Variants in SAMD12 observed in about 807,000 individuals in gnomAD.
SAMD12 encodes the protein sterile alpha motif domain containing 12, also known as sterile alpha motif domain-containing protein 12.
In SAMD12, 9 loss-of-function variants were observed where a neutral mutation model predicts 15.0. The observed-to-expected ratio is 0.60, with a 90% confidence interval of 0.36 to 1.05. SAMD12 has a LOEUF of 1.05. Ranked by LOEUF, SAMD12 falls within the 50% of genes least tolerant of loss-of-function variation. The pLI is 0.01. For missense variants in SAMD12, 230 were observed against 234.2 expected (o/e 0.98, Z 0.12); for synonymous variants, 86 against 90.1 (o/e 0.96, Z 0.25).
chr8:118,444,161 C>T (rs902853567), intron 2 of SAMD12, among the ~76,000 whole-genome samples: 3 of 152,120 alleles, frequency 2.0e-5, no homozygotes, highest in African/African-American at 4.8e-5. Context: ...AAGCATTTCA[C>T]CTTTACTAGA....
chr8:118,177,239 ATTTT>A, the SAMD12 span, among the ~76,000 whole-genome samples: 12 of 137,074 alleles, frequency 8.8e-5, no homozygotes, highest in African/African-American at 2.1e-4. Context: ...GCCACAGAGA[ATTTT>A]TTTTTTTTTT....
intron 2 of SAMD12, among the ~76,000 whole-genome samples, chr8:118,544,500 A>G (rs1826069669): frequency 6.6e-6 from 1 of 152,156 alleles, no homozygotes; most frequent in Non-Finnish European, 1.5e-5. Flanking sequence ...TTCCAAGCAC[A>G]AGATGTTTAG....
At chr8:118,394,370 A>G (rs909239592) in intron 3 of SAMD12, among the ~76,000 whole-genome samples, 4 of 152,204 alleles carry the variant, frequency 2.6e-5, no homozygotes, top group Admixed American at 6.5e-5. Context: ...CTTGGAACCT[A>G]CAGGCAAAAT....
At position 118,439,915 on chromosome 8, in the gene SAMD12, T is replaced by C; in HGVS notation, c.239A>G (p.Gln80Arg). 6.2e-7 allele frequency: 1 copy of C among 1,613,762 alleles called. No individual in the cohort carries two copies. ...TTTCTTCAACCACTTGCAGACATCCTGCTGGGTCCATAGAGCCACCGGTTT... is the reference window on the plus strand; with the variant it reads ...TTTCTTCAACCACTTGCAGACATCCCGCTGGGTCCATAGAGCCACCGGTTT... The part of the protein sequence containing the change: ...LSKPVALWTQ[Q>R]DVCKWLKKHC... Residue 80 changes from glutamine (Q) to arginine (R), a missense_variant, in exon 3 of 4, where the codon CAG becomes CGG. Coordinates refer to ENST00000314727, the MANE Select transcript of SAMD12 (RefSeq NM_207506.3).
chr8:118,473,243 C>A (rs1823856589), intron 2 of SAMD12, among the ~76,000 whole-genome samples: 2 of 152,210 alleles, frequency 1.3e-5, no homozygotes, highest in African/African-American at 2.4e-5. Context: ...CTACAGCTAC[C>A]TCCTGGGTCT....
chr8:118,393,224 T>TCTTTC (rs1264968535), intron 3 of SAMD12, among the ~76,000 whole-genome samples: 1 of 74,472 alleles, frequency 1.3e-5, no homozygotes, highest in African/African-American at 8.3e-5. Flanking sequence ...ATTTCTTTTC[T>TCTTTC]CTTTTCGAGA....
intron 1 of SAMD12, among the ~76,000 whole-genome samples, chr8:118,617,456 T>C (rs774468541): frequency 6.6e-6 from 1 of 152,220 alleles, no homozygotes; most frequent in Non-Finnish European, 1.5e-5. Flanking sequence ...GCTACCATGT[T>C]CATTTATGAT....
At chr8:118,390,029 T>G (rs1335434355) in intron 3 of SAMD12, among the ~76,000 whole-genome samples, 1 of 151,934 alleles carries the variant, frequency 6.6e-6, no homozygotes, top group East Asian at 1.9e-4. Context: ...TTTTTTGAGA[T>G]GGAGTCTTGC....
intron 3 of SAMD12, among the ~76,000 whole-genome samples, chr8:118,394,294 T>C (rs1379545475): frequency 2.0e-5 from 3 of 152,210 alleles, no homozygotes; most frequent in Admixed American, 6.5e-5. Flanking sequence ...TTTCCTCCCT[T>C]CTTGTCTGAT....
the SAMD12 span, among the ~76,000 whole-genome samples, chr8:118,177,729 CAT>C: frequency 9.6e-6 from 1 of 104,646 alleles, no homozygotes; most frequent in African/African-American, 2.7e-5. Flanking sequence ...TTTTTAAAAA[CAT>C]AAAATAAAAA....
At chr8:118,325,854 G>A (rs1033127139) in intron 4 of SAMD12, among the ~76,000 whole-genome samples, 1 of 152,108 alleles carries the variant, frequency 6.6e-6, no homozygotes, top group Non-Finnish European at 1.5e-5. Flanking sequence ...ACTCTCTAGG[G>A]AGATGAATGG....
At chr8:118,486,613 C>T (rs1824294130) in intron 2 of SAMD12, among the ~76,000 whole-genome samples, 3 of 152,090 alleles carry the variant, frequency 2.0e-5, no homozygotes, top group Admixed American at 1.3e-4. Flanking sequence ...CCTGCTTATA[C>T]CTTGATTTTA....
downstream of SAMD12, among the ~76,000 whole-genome samples, chr8:118,373,530 CA>C (rs1202057368): frequency 2.0e-5 from 3 of 152,028 alleles, no homozygotes; most frequent in African/African-American, 7.2e-5. Context: ...TTTGTTGTTC[CA>C]AAAGACAGAG....
intron 4 of SAMD12, among the ~76,000 whole-genome samples, chr8:118,309,478 A>G (rs1481813429): frequency 6.6e-6 from 1 of 151,350 alleles, no homozygotes; most frequent in Non-Finnish European, 1.5e-5. Flanking sequence ...ATATTTTTGC[A>G]ATTGTGAATT....
chr8:118,143,770 C>G, the SAMD12 span, among the ~76,000 whole-genome samples: 1 of 152,132 alleles, frequency 6.6e-6, no homozygotes, highest in Non-Finnish European at 1.5e-5. Flanking sequence ...AGACAATATC[C>G]TAACATGCCA....
chr8:118,436,130 C>T (rs1414903307), intron 3 of SAMD12, among the ~76,000 whole-genome samples: 1 of 119,322 alleles, frequency 8.4e-6, no homozygotes, highest in Admixed American at 9.7e-5. Flanking sequence ...CATAGTTTTC[C>T]ATGCAAGCAC....
the SAMD12 span, among the ~76,000 whole-genome samples, chr8:118,164,558 A>T: frequency 2.0e-5 from 3 of 151,754 alleles, no homozygotes; most frequent in Non-Finnish European, 4.4e-5. Context: ...TTATTTTTTT[A>T]TTTTTATTTT....
At chr8:118,165,764 G>C in the SAMD12 span, among the ~76,000 whole-genome samples, 1 of 151,260 alleles carries the variant, frequency 6.6e-6, no homozygotes, top group African/African-American at 2.4e-5. Flanking sequence ...CTTTAGACCA[G>C]TGGTTCACAA....
rs10535786 is a variant in SAMD12 at position 118,399,201 on chromosome 8, C to CT, written c.323-19502dup. Among the ~76,000 whole-genome samples the CT allele has an allele frequency of 6.8e-3, 1,009 of 147,468 alleles. 18 individuals are homozygous for CT. Among genetic ancestry groups the CT allele is most frequent in the African/African-American group, 0.021 (826 of 40,094 alleles). ...ACCAGGCCCGATAAATTTTTTTTTT[C>CT]TTTTTTTTTTTTTAATAAATGACTG... On this transcript the variant is annotated intron_variant, in intron 3 of 3. Coordinates refer to ENST00000314727, the MANE Select transcript of SAMD12 (RefSeq NM_207506.3).
Sources: allele counts gnomAD v4.1 joint callset (sites outside exome capture counted in the v4.1 genomes callset), GRCh38; gene constraint gnomAD v4.1.1; transcripts MANE v1.5; gene names NCBI Gene and HGNC (gene_info 2026-07-23, HGNC 2026-07-21).